LHFPL6: variants seen among roughly 807,000 people sequenced by gnomAD.
LHFPL6 encodes LHFPL tetraspan subfamily member 6, also known as LHFPL tetraspan subfamily member 6 protein.
LHFPL6 carries 9 observed loss-of-function variants against 20.6 expected under a neutral mutation model. That is an observed-to-expected ratio of 0.44 (90% CI 0.26 to 0.76). The LOEUF is 0.76. LHFPL6 is among the 30% of genes least tolerant of loss of function. LHFPL6 has a pLI of 0.20. For synonymous variants in LHFPL6, 105 were observed against 98.7 expected, an observed-to-expected ratio of 1.06 and a Z score of -0.38; for missense variants, 218 against 253.5, an observed-to-expected ratio of 0.86 and a Z score of 0.95.
intron 2 of LHFPL6, among the ~76,000 whole-genome samples, chr13:39,460,678 C>G (rs1159357345): frequency 6.6e-6 from 1 of 152,198 alleles, no homozygotes; most frequent in African/African-American, 2.4e-5. Context: ...GAACTCCTAA[C>G]AGATGCTCTA....
chr13:39,487,280 C>T (rs1868758598), intron 2 of LHFPL6, among the ~76,000 whole-genome samples: 1 of 152,160 alleles, frequency 6.6e-6, no homozygotes, highest in African/African-American at 2.4e-5. Context: ...TTCTTCAATT[C>T]CCAAAATTTT....
intron 2 of LHFPL6, among the ~76,000 whole-genome samples, chr13:39,501,252 T>C (rs1478668291): frequency 6.6e-6 from 1 of 152,208 alleles, no homozygotes; most frequent in Non-Finnish European, 1.5e-5. Flanking sequence ...CAGGGTTCTT[T>C]GAACTCTGCC....
chr13:39,343,747 T>G lies in LHFPL6; in HGVS notation c.*189A>C, dbSNP rs1311654915. 1 of 561,654 alleles carries G rather than the reference T, an allele frequency of 1.8e-6. No homozygotes were observed. Among genetic ancestry groups the G allele is most frequent in the African/African-American group, 1.9e-5 (1 of 53,860 alleles). 34.8% of individuals were successfully genotyped at this position (561,654 alleles called of 1,614,324 possible). A position where few individuals can be genotyped will look rare whatever the true frequency, so the allele number is the denominator to read the frequency against. On this transcript the variant is annotated 3_prime_UTR_variant, in exon 4 of 4. Transcript: ENST00000379589. ...TTCTCCATCATTCTATACTCTCCTTTTTTTTCCCCCACAAATCTCCTACAA... is the reference window on the plus strand; with the variant it reads ...TTCTCCATCATTCTATACTCTCCTTGTTTTTCCCCCACAAATCTCCTACAA...
At chr13:39,499,886 C>T (rs1057434193) in intron 2 of LHFPL6, among the ~76,000 whole-genome samples, 2 of 152,218 alleles carry the variant, frequency 1.3e-5, no homozygotes, top group African/African-American at 2.4e-5. Context: ...GCAGCTGAAA[C>T]GGTCATGCCT....
intron 3 of LHFPL6, among the ~76,000 whole-genome samples, chr13:39,366,135 C>T (rs916137650): frequency 6.6e-5 from 10 of 152,138 alleles, no homozygotes; most frequent in Admixed American, 5.2e-4. Context: ...TTTTTCATAG[C>T]CTATGACATA....
At chr13:39,383,694 C>G (rs1282861805) in intron 2 of LHFPL6, among the ~76,000 whole-genome samples, 1 of 152,192 alleles carries the variant, frequency 6.6e-6, no homozygotes, top group Non-Finnish European at 1.5e-5. Context: ...TTAGGTAGGG[C>G]TAGAGGTCAG....
chr13:39,450,354 T>C (rs1004241051), intron 2 of LHFPL6, among the ~76,000 whole-genome samples: 2 of 152,204 alleles, frequency 1.3e-5, no homozygotes, highest in African/African-American at 4.8e-5. Flanking sequence ...GCATTCATAG[T>C]AGAAGAGTTG....
chr13:39,425,980 T>TA (rs1871625231), intron 2 of LHFPL6, among the ~76,000 whole-genome samples: 1 of 152,120 alleles, frequency 6.6e-6, no homozygotes, highest in South Asian at 2.1e-4. Context: ...ATTCTGTTAA[T>TA]AGTCTTTTTT....
intron 2 of LHFPL6, among the ~76,000 whole-genome samples, chr13:39,426,648 C>A (rs753048567): frequency 6.6e-6 from 1 of 152,198 alleles, no homozygotes; most frequent in East Asian, 1.9e-4. Flanking sequence ...ACCCACGGTG[C>A]ACCACATATT....
intron 3 of LHFPL6, among the ~76,000 whole-genome samples, chr13:39,348,949 C>T (rs1458961976): frequency 2.0e-5 from 3 of 152,138 alleles, no homozygotes; most frequent in Non-Finnish European, 2.9e-5. Flanking sequence ...CAGATGAAAA[C>T]TGGCAGAAAA....
At chr13:39,502,871 A>G (rs1395537943) in intron 2 of LHFPL6, among the ~76,000 whole-genome samples, 1 of 152,006 alleles carries the variant, frequency 6.6e-6, no homozygotes, top group African/African-American at 2.4e-5. Context: ...TCTTTTTTAA[A>G]TTTGTATTTA....
intron 2 of LHFPL6, among the ~76,000 whole-genome samples, chr13:39,548,268 A>G (rs1871039623): frequency 6.6e-6 from 1 of 152,068 alleles, no homozygotes; most frequent in South Asian, 2.1e-4. Flanking sequence ...TTCCTCCCCA[A>G]AGGCAAATTT....
chr13:39,491,500 C>A (rs1868924740), intron 2 of LHFPL6, among the ~76,000 whole-genome samples: 1 of 152,096 alleles, frequency 6.6e-6, no homozygotes, highest in South Asian at 2.1e-4. Flanking sequence ...AGAGATAAAC[C>A]AACAGTTTTT....
chr13:39,347,291 C>T (rs1869430975), intron 3 of LHFPL6, among the ~76,000 whole-genome samples: 1 of 152,128 alleles, frequency 6.6e-6, no homozygotes, highest in Non-Finnish European at 1.5e-5. Flanking sequence ...TTCCTTCCAC[C>T]CAGAAATTCT....
intron 2 of LHFPL6, among the ~76,000 whole-genome samples, chr13:39,520,722 G>C (rs569978256): frequency 6.6e-6 from 1 of 152,304 alleles, no homozygotes; most frequent in African/African-American, 2.4e-5. Flanking sequence ...CTGAGCTGAA[G>C]AGCATTCACC....
chr13:39,601,539 C>T (rs1470754927), intron 1 of LHFPL6, 149 bp from the exon 2 acceptor site: 1 of 251,632 alleles, frequency 4.0e-6, no homozygotes. Flanking sequence ...CTATGAGCTT[C>T]ATAACTCGAT....
chr13:39,353,437 T>C (rs1282449022), intron 3 of LHFPL6, among the ~76,000 whole-genome samples: 1 of 151,964 alleles, frequency 6.6e-6, no homozygotes, highest in Non-Finnish European at 1.5e-5. Context: ...TTTTAAAAGC[T>C]ACTTTGCGGC....
At chr13:39,382,991 G>A (rs544802374) in intron 2 of LHFPL6, among the ~76,000 whole-genome samples, 4 of 152,318 alleles carry the variant, frequency 2.6e-5, no homozygotes, top group Admixed American at 1.3e-4. Flanking sequence ...GGCTATCACA[G>A]TGATTAGGAT....
chr13:39,415,506 A>G (rs1462847146), intron 2 of LHFPL6, among the ~76,000 whole-genome samples: 1 of 152,054 alleles, frequency 6.6e-6, no homozygotes, highest in Admixed American at 6.5e-5. Context: ...TACTGAAAAA[A>G]AAAAAAACAA....
Sources: gnomAD v4.1 joint callset for allele counts (sites outside exome capture counted in the v4.1 genomes callset) on GRCh38, gnomAD v4.1.1 for gene constraint, MANE v1.5 for transcripts, NCBI Gene and HGNC (gene_info 2026-07-23, HGNC 2026-07-21) for gene names.